Variants in KAZN observed in about 807,000 individuals in gnomAD.
The protein encoded by KAZN is kazrin, periplakin interacting protein, also known as kazrin.
KAZN carries 40 observed loss-of-function variants against 87.4 expected under a neutral mutation model. The observed-to-expected ratio is 0.46, with a 90% CI of 0.36 to 0.60. KAZN has a LOEUF of 0.60. Ranked by LOEUF, KAZN falls within the 20% of genes least tolerant of loss-of-function variation. KAZN has a pLI of 0.00. For synonymous variants in KAZN, 466 were observed against 458.3 expected (o/e 1.02, Z -0.22); for missense variants, 898 against 1,073.9 (o/e 0.84, Z 2.29).
chr1:14,297,523 C>A (rs1318743822), intron 2 of KAZN, among the ~76,000 whole-genome samples: 1 of 152,050 alleles, frequency 6.6e-6, no homozygotes, highest in African/African-American at 2.4e-5. Flanking sequence ...CTGCAGGGCT[C>A]CTGGGCTCAG....
chr1:14,173,794 T>C (rs1646008969), intron 1 of KAZN, among the ~76,000 whole-genome samples: 1 of 152,056 alleles, frequency 6.6e-6, no homozygotes, highest in Non-Finnish European at 1.5e-5. Flanking sequence ...GCCAAAGAGA[T>C]GAAACGCTTG....
At position 14,323,429 on chromosome 1, in the gene KAZN, C is replaced by G. The variant is rs530619814; in HGVS notation, c.249+142837C>G. 2.9e-4 allele frequency among the ~76,000 whole-genome samples: 44 copies of G among 152,224 alleles called. 1 individual carries two copies. The highest frequency in any genetic ancestry group is 9.9e-4 in the African/African-American group (41 of 41,548). Reference sequence around the variant, plus strand: ...CCTTCTTTCTTATATAAAATACCCTCTCCCCTTAGCAAAGTTTCATTTAGG... The same window carrying G: ...CCTTCTTTCTTATATAAAATACCCTGTCCCCTTAGCAAAGTTTCATTTAGG... On this transcript the variant is annotated intron_variant, in intron 2 of 16. Transcript: ENST00000636203.
chr1:14,656,486 A>G (rs931656618), intron 1 of KAZN, among the ~76,000 whole-genome samples: 1 of 152,192 alleles, frequency 6.6e-6, no homozygotes, highest in African/African-American at 2.4e-5. Flanking sequence ...CTCAATCCTC[A>G]TGTCTCACAT....
intron 1 of KAZN, among the ~76,000 whole-genome samples, chr1:14,178,392 C>T (rs1239493321): frequency 1.3e-5 from 2 of 152,162 alleles, no homozygotes; most frequent in African/African-American, 4.8e-5. Flanking sequence ...CTTACATTGT[C>T]ACTAATTTTG....
intron 1 of KAZN, among the ~76,000 whole-genome samples, chr1:14,765,234 T>C (rs974161173): frequency 6.6e-6 from 1 of 152,174 alleles, no homozygotes; most frequent in Non-Finnish European, 1.5e-5. Flanking sequence ...ACCAAAAATG[T>C]CTCCAGACAT....
At chr1:14,700,019 A>G (rs1471846295) in intron 1 of KAZN, among the ~76,000 whole-genome samples, 2 of 152,208 alleles carry the variant, frequency 1.3e-5, no homozygotes, top group Non-Finnish European at 2.9e-5. Flanking sequence ...GGTGCGTTCA[A>G]GGAACAGAGA....
At chr1:14,574,087 G>A (rs1675033929) in intron 2 of KAZN, among the ~76,000 whole-genome samples, 1 of 152,066 alleles carries the variant, frequency 6.6e-6, no homozygotes, top group African/African-American at 2.4e-5. Context: ...CAAAAACTCT[G>A]AAGAGACTCT....
At chr1:14,169,401 A>G (rs1289299676) in intron 1 of KAZN, among the ~76,000 whole-genome samples, 1 of 152,000 alleles carries the variant, frequency 6.6e-6, no homozygotes, top group Non-Finnish European at 1.5e-5. Context: ...CCATTCCAGC[A>G]GAGTTTCCAT....
intron 1 of KAZN, among the ~76,000 whole-genome samples, chr1:13,924,289 A>T (rs1338553172): frequency 6.6e-6 from 1 of 152,234 alleles, no homozygotes; most frequent in East Asian, 1.9e-4. Context: ...TAATTAAAAA[A>T]TTTTAAATAA....
intron 11 of KAZN, 106 bp from the exon 12 acceptor site, chr1:15,103,253 A>G: frequency 6.4e-6 from 5 of 784,630 alleles, no homozygotes; most frequent in Non-Finnish European, 1.1e-5. Flanking sequence ...GGCAGCAGAG[A>G]GAGACTCTGT....
Position 15,065,716 on chromosome 1 carries a change from G to C in KAZN, c.1185G>C (p.Gly395=), listed in dbSNP as rs1557773628. 8 of 1,614,262 alleles carry C rather than the reference G, an allele frequency of 5.0e-6. No individual in the cohort carries two copies. Among genetic ancestry groups the C allele is most frequent in the Non-Finnish European group, 6.8e-6 (8 of 1,180,046 alleles). ...FGSISRVFAR[G]KQRKSLDPGL... is the part of the protein sequence containing the mutation. ...CCATCTCCCGCGTCTTCGCCAGAGG[G>C]AAGCAGCGGAAGTCCCTCGACCCCG... Residue 395 remains glycine, a synonymous_variant, in exon 8 of 15, where the codon GGG becomes GGC. Transcript: ENST00000376030.
chr1:14,379,906 T>C (rs1463219627), intron 2 of KAZN, among the ~76,000 whole-genome samples: 1 of 152,106 alleles, frequency 6.6e-6, no homozygotes, highest in Non-Finnish European at 1.5e-5. Context: ...GTGGTTATAG[T>C]GGGCCTTAGG....
intron 1 of KAZN, among the ~76,000 whole-genome samples, chr1:13,923,146 T>G (rs1041911794): frequency 2.0e-5 from 3 of 152,234 alleles, no homozygotes; most frequent in African/African-American, 7.2e-5. Flanking sequence ...AATAGCCTAC[T>G]GCTGACCGGA....
At chr1:15,005,901 C>A (rs1361498845) in intron 2 of KAZN, among the ~76,000 whole-genome samples, 1 of 152,196 alleles carries the variant, frequency 6.6e-6, no homozygotes, top group Non-Finnish European at 1.5e-5. Flanking sequence ...GACATCTCAG[C>A]GGGCCGCAGT....
intron 1 of KAZN, among the ~76,000 whole-genome samples, chr1:14,930,954 G>A (rs1659743112): frequency 6.6e-6 from 1 of 152,044 alleles, no homozygotes; most frequent in African/African-American, 2.4e-5. Flanking sequence ...GCTGGCTCCT[G>A]ACGGGAGACT....
rs1370329963 is a variant in KAZN at position 15,115,509 on chromosome 1, T to C, written c.*874T>C. ...CCCCACTATCTGCACTCCGTGACAG[T>C]GGTATGGAGTGTGGCAATGAGTTTG... On this transcript the variant is annotated 3_prime_UTR_variant, in exon 15 of 15. Coordinates refer to ENST00000376030, the MANE Select transcript of KAZN (RefSeq NM_201628.3). This position sits in a 1 kb window ranked among gnomAD's most constrained non-coding sequence, Gnocchi z 4.1. 6.6e-6 allele frequency: 1 copy of C among 152,092 alleles called. No individual in the cohort carries two copies. Among genetic ancestry groups the C allele is most frequent in the Non-Finnish European group, 1.5e-5 (1 of 68,018 alleles). 9.4% of individuals were successfully genotyped at this position (152,092 alleles called of 1,614,324 possible). A position where few individuals can be genotyped will look rare whatever the true frequency, so the allele number is the denominator to read the frequency against.
At chr1:14,017,184 C>T (rs932442188) in intron 1 of KAZN, among the ~76,000 whole-genome samples, 6 of 152,124 alleles carry the variant, frequency 3.9e-5, no homozygotes, top group East Asian at 3.9e-4. Context: ...TCTGCCAATT[C>T]GAGGTAGAGG....
At chr1:15,006,453 G>A (rs1333024572) in intron 2 of KAZN, among the ~76,000 whole-genome samples, 8 of 152,296 alleles carry the variant, frequency 5.3e-5, no homozygotes, top group Non-Finnish European at 7.3e-5. Flanking sequence ...TCCTGACAGC[G>A]AGCCGGGAAA....
chr1:14,922,502 C>T (rs1331907771), intron 1 of KAZN, among the ~76,000 whole-genome samples: 1 of 152,166 alleles, frequency 6.6e-6, no homozygotes, highest in Admixed American at 6.5e-5. Flanking sequence ...GAGCACCCAG[C>T]ACTTCCCATG....
Sources: gnomAD v4.1 joint callset for allele counts (sites outside exome capture counted in the v4.1 genomes callset) on GRCh38, gnomAD v4.1.1 for gene constraint, Gnocchi (gnomAD v3.1) non-coding constraint, MANE v1.5 for transcripts, NCBI Gene and HGNC (gene_info 2026-07-23, HGNC 2026-07-21) for gene names.